Variants in NLGN1 observed in about 807,000 individuals in gnomAD.
The protein encoded by NLGN1 is neuroligin 1, also known as neuroligin-1.
In NLGN1, 12 loss-of-function variants were observed where a neutral mutation model predicts 65.5. The observed-to-expected ratio is 0.18, with a 90% CI of 0.12 to 0.30. NLGN1 has a LOEUF of 0.30. Among genes scored for constraint, NLGN1 ranks in the 10% least tolerant of loss-of-function variants. NLGN1 has a pLI of 1.00. For missense variants in NLGN1, 750 were observed against 1,007.1 expected, an observed-to-expected ratio of 0.74 and a Z score of 3.46; for synonymous variants, 350 against 359.5, an observed-to-expected ratio of 0.97 and a Z score of 0.30.
intron 4 of NLGN1, among the ~76,000 whole-genome samples, chr3:174,245,164 G>A (rs933115804): frequency 1.3e-5 from 2 of 152,112 alleles, no homozygotes; most frequent in African/African-American, 2.4e-5. Context: ...ACTGCTAGCA[G>A]TAGCTTAACC....
chr3:174,139,076 G>C (rs966113502), intron 4 of NLGN1, among the ~76,000 whole-genome samples: 2 of 151,714 alleles, frequency 1.3e-5, no homozygotes, highest in African/African-American at 4.8e-5. Context: ...CTAAAACTAA[G>C]TATATTGCAC....
chr3:173,994,402 G>A (rs1371929047), intron 4 of NLGN1, among the ~76,000 whole-genome samples: 3 of 143,620 alleles, frequency 2.1e-5, no homozygotes, highest in Non-Finnish European at 3.0e-5. Context: ...GCAAGTACTG[G>A]TGGATAATTC....
At chr3:173,664,896 C>T (rs1761483269) in intron 3 of NLGN1, among the ~76,000 whole-genome samples, 1 of 151,834 alleles carries the variant, frequency 6.6e-6, no homozygotes, top group African/African-American at 2.4e-5. Context: ...TTAAACACTC[C>T]CCAAAATGCT....
At chr3:173,518,411 T>C (rs1415610690) in intron 2 of NLGN1, among the ~76,000 whole-genome samples, 1 of 151,348 alleles carries the variant, frequency 6.6e-6, no homozygotes, top group Non-Finnish European at 1.5e-5. Context: ...TATACATATA[T>C]AGTTACATTT....
At chr3:174,186,477 C>T (rs1281566171) in intron 4 of NLGN1, among the ~76,000 whole-genome samples, 2 of 152,010 alleles carry the variant, frequency 1.3e-5, no homozygotes, top group Non-Finnish European at 2.9e-5. Flanking sequence ...TTCCTAATGT[C>T]TCTGCTTCAG....
At chr3:173,874,889 AG>A (rs1731831743) in intron 4 of NLGN1, among the ~76,000 whole-genome samples, 1 of 152,196 alleles carries the variant, frequency 6.6e-6, no homozygotes, top group Non-Finnish European at 1.5e-5. Context: ...ATCTGACATT[AG>A]GGGTAGAGAA....
intron 2 of NLGN1, among the ~76,000 whole-genome samples, chr3:173,538,584 C>T (rs1737854374): frequency 6.6e-6 from 1 of 152,116 alleles, no homozygotes; most frequent in East Asian, 1.9e-4. Flanking sequence ...ATACATTTAA[C>T]CTACCACTAG....
intron 4 of NLGN1, among the ~76,000 whole-genome samples, chr3:174,170,976 T>G (rs754217152): frequency 6.6e-6 from 1 of 152,188 alleles, no homozygotes; most frequent in Non-Finnish European, 1.5e-5. Context: ...AATGAAAATT[T>G]ACATTCATGT....
downstream of NLGN1, among the ~76,000 whole-genome samples, chr3:174,287,525 T>C (rs908388659): frequency 6.6e-6 from 1 of 151,588 alleles, no homozygotes; most frequent in South Asian, 2.1e-4. Flanking sequence ...ACTAGTTTTG[T>C]ATTTCCTTAT....
At chr3:173,666,303 A>G (rs1366918636) in intron 3 of NLGN1, among the ~76,000 whole-genome samples, 1 of 152,166 alleles carries the variant, frequency 6.6e-6, no homozygotes, top group Non-Finnish European at 1.5e-5. Context: ...CCTCCTTTAG[A>G]AAATGAAATG....
chr3:173,757,260 A>C (rs760848148), intron 3 of NLGN1, among the ~76,000 whole-genome samples: 3 of 152,180 alleles, frequency 2.0e-5, no homozygotes, highest in Non-Finnish European at 2.9e-5. Flanking sequence ...GTCTAATCTC[A>C]GAATCACTTA....
At chr3:173,431,404 A>G (rs188960293) in intron 1 of NLGN1, among the ~76,000 whole-genome samples, 38 of 151,350 alleles carry the variant, frequency 2.5e-4, no homozygotes, top group Middle Eastern at 3.4e-3. Flanking sequence ...TATCAAATCT[A>G]GCACACATAT....
At chr3:173,891,565 A>G (rs553624081) in intron 4 of NLGN1, among the ~76,000 whole-genome samples, 16 of 152,162 alleles carry the variant, frequency 1.1e-4, no homozygotes, top group Admixed American at 9.2e-4. Flanking sequence ...TTCCAAACCC[A>G]TGTTTTCCTA....
chr3:173,822,664 C>T (rs900593413), intron 4 of NLGN1, among the ~76,000 whole-genome samples: 3 of 151,954 alleles, frequency 2.0e-5, no homozygotes, highest in African/African-American at 7.2e-5. Flanking sequence ...GTTACTCAAG[C>T]TATATTTCAC....
chr3:173,868,348 TA>T (rs774582281), intron 4 of NLGN1, among the ~76,000 whole-genome samples: 5 of 152,222 alleles, frequency 3.3e-5, no homozygotes, highest in African/African-American at 4.8e-5. Flanking sequence ...CAATTATGAC[TA>T]TATCGATATA....
chr3:173,769,615 C>A lies in NLGN1; in HGVS notation c.494-38065C>A, dbSNP rs566606270. 1.9e-4 allele frequency among the ~76,000 whole-genome samples: 29 copies of A among 152,280 alleles called. No homozygotes were observed. The South Asian group carries it at 5.8e-3, about 30-fold the overall frequency. On this transcript the variant is annotated intron_variant, in intron 3 of 6. Coordinates refer to ENST00000457714, the Ensembl canonical transcript of NLGN1. The stretch of plus-strand genomic sequence containing the variant: ...AAAGGTGTGTCTATGTCTCAAGAAC[C>A]TTTTTATTTATGCCAATTCATCCAA...
chr3:173,885,781 A>G (rs1016726580), intron 4 of NLGN1, among the ~76,000 whole-genome samples: 1 of 152,096 alleles, frequency 6.6e-6, no homozygotes, highest in Non-Finnish European at 1.5e-5. Context: ...GAAAGATATA[A>G]AAAATTGAGA....
intron 1 of NLGN1, among the ~76,000 whole-genome samples, chr3:173,421,963 CATA>C (rs1355043191): frequency 1.3e-5 from 2 of 151,964 alleles, no homozygotes; most frequent in African/African-American, 4.8e-5. Context: ...ATAGGATACC[CATA>C]ATATTTTGAT....
chr3:174,239,782 T>G (rs1658722726), intron 4 of NLGN1, among the ~76,000 whole-genome samples: 1 of 152,176 alleles, frequency 6.6e-6, no homozygotes, highest in African/African-American at 2.4e-5. Flanking sequence ...ACAAATTGAC[T>G]GAGTAGGACC....
Sources: allele counts gnomAD v4.1 joint callset (sites outside exome capture counted in the v4.1 genomes callset), GRCh38; gene constraint gnomAD v4.1.1; transcripts MANE v1.5; gene names NCBI Gene and HGNC (gene_info 2026-07-23, HGNC 2026-07-21).